CTNNA1: variants seen among roughly 807,000 people sequenced by gnomAD.
CTNNA1 encodes the protein catenin alpha 1.
Under a neutral mutation model 98.4 loss-of-function variants are expected in CTNNA1, and 37 were observed. That is an observed-to-expected ratio of 0.38 (90% confidence interval 0.29 to 0.49). CTNNA1 has a LOEUF of 0.49. Among genes scored for constraint, CTNNA1 ranks in the 20% least tolerant of loss-of-function variants. CTNNA1 has a pLI of 0.95. For missense variants in CTNNA1, 761 were observed against 1,147.2 expected (o/e 0.66, Z 4.86); for synonymous variants, 404 against 413.2 (o/e 0.98, Z 0.27).
At chr5:138,917,928 T>G (rs374228395) in intron 11 of CTNNA1, 30 bp downstream of exon 11, 136 of 1,606,926 alleles carry the variant, frequency 8.5e-5, no homozygotes, top group Non-Finnish European at 1.1e-4. Context: ...GAGAAGTATG[T>G]GAAGATGTTC....
At chr5:138,812,727 T>C (rs1249506595) in intron 5 of CTNNA1, among the ~76,000 whole-genome samples, 8 of 152,226 alleles carry the variant, frequency 5.3e-5, no homozygotes, top group Non-Finnish European at 1.2e-4. Flanking sequence ...CTTGTTACTT[T>C]TTAACTGTTT....
intron 3 of CTNNA1, 132 bp from the exon 4 acceptor site, chr5:138,809,906 C>A (rs761687719): frequency 8.7e-6 from 11 of 1,270,284 alleles, no homozygotes; most frequent in Non-Finnish European, 1.0e-5. Context: ...CAAACAACAA[C>A]AAAAATGAAA....
intron 7 of CTNNA1, among the ~76,000 whole-genome samples, chr5:138,847,796 G>T (rs1470020400): frequency 1.3e-5 from 2 of 152,140 alleles, no homozygotes; most frequent in Non-Finnish European, 2.9e-5. Context: ...AAACATTTGG[G>T]CAACTCCCAT....
intron 1 of CTNNA1, among the ~76,000 whole-genome samples, chr5:138,776,341 A>G (rs1754165938): frequency 1.3e-5 from 2 of 152,128 alleles, no homozygotes; most frequent in Non-Finnish European, 2.9e-5. Flanking sequence ...CACATGTTTC[A>G]GAGAGCACAG....
chr5:138,886,164 G>C, intron 7 of CTNNA1, 48 bp from the exon 8 acceptor site: 2 of 1,591,696 alleles, frequency 1.3e-6, no homozygotes, highest in Non-Finnish European at 1.7e-6. Flanking sequence ...CTATCATTAG[G>C]TTTCTTTGTA....
chr5:138,819,851 C>CG (rs1255744634), intron 5 of CTNNA1, among the ~76,000 whole-genome samples: 8 of 4,856 alleles, frequency 1.6e-3, no homozygotes, highest in East Asian at 8.2e-3. Flanking sequence ...ATTGGATTGG[C>CG]GGGGGGCGGG....
In CTNNA1 at chr5:138,825,482, G is replaced by GT. The variant is rs756586452; in HGVS notation, c.858+699dup. ...CTTCCAGTAGATGGCAGCAGTATAAGTTTTTTTTTTTTTTTTAGGGCTTTA... is the reference window on the plus strand; with the variant it reads ...CTTCCAGTAGATGGCAGCAGTATAAGTTTTTTTTTTTTTTTTTAGGGCTTTA... On this transcript the variant is annotated intron_variant, in intron 6 of 17. Transcript: ENST00000302763. Among the ~76,000 whole-genome samples, 713 of 74,106 alleles carry GT rather than the reference G, an allele frequency of 9.6e-3. 73 individuals carry two copies. Among genetic ancestry groups the GT allele is most frequent in the Middle Eastern group, 0.024 (3 of 126 alleles). 48.6% of individuals were successfully genotyped at this position (74,106 alleles called of 152,430 possible). A position where few individuals can be genotyped will look rare whatever the true frequency, so the allele number is the denominator to read the frequency against.
chr5:138,927,506 G>A (rs925716855), intron 13 of CTNNA1, among the ~76,000 whole-genome samples: 2 of 128,278 alleles, frequency 1.6e-5, no homozygotes, highest in South Asian at 2.4e-4. Flanking sequence ...GCACCTTCTC[G>A]TGAGACTTTT....
intron 10 of CTNNA1, among the ~76,000 whole-genome samples, chr5:138,913,420 C>A (rs1761078309): frequency 6.6e-6 from 1 of 152,038 alleles, no homozygotes; most frequent in African/African-American, 2.4e-5. Flanking sequence ...CTCATCTCTA[C>A]TAAAAATACA....
Position 138,931,750 on chromosome 5 carries a change from A to T in CTNNA1, c.2298+815A>T, listed in dbSNP as rs1035138770. The T allele has an allele frequency of 6.1e-6, 6 of 985,364 alleles. No individual in the cohort carries two copies. The African/African-American group carries it at 8.7e-5, about 14-fold the overall frequency. The allele number at this position is 985,364 out of a possible 1,614,324, so 61.0% of individuals were successfully genotyped here. ...TCAATACTGTCATCTGAAAATGCAG[A>T]TCACATGGCTCTGCCCTGCTTCCAT... On this transcript the variant is annotated intron_variant, in intron 16 of 17. Transcript: ENST00000302763.
intron 1 of CTNNA1, among the ~76,000 whole-genome samples, chr5:138,779,816 A>G (rs1561517624): frequency 6.6e-6 from 1 of 151,580 alleles, no homozygotes; most frequent in Non-Finnish European, 1.5e-5. Flanking sequence ...CCCAGGTTCA[A>G]GTGGTTTTCC....
chr5:138,756,465 G>C (rs956755399), intron 1 of CTNNA1, among the ~76,000 whole-genome samples: 3 of 152,052 alleles, frequency 2.0e-5, no homozygotes, highest in Non-Finnish European at 2.9e-5. Flanking sequence ...CCGCACTTTC[G>C]GATTTCTTTG....
intron 10 of CTNNA1, among the ~76,000 whole-genome samples, chr5:138,911,867 T>C (rs1376466853): frequency 6.6e-6 from 1 of 152,198 alleles, no homozygotes; most frequent in Non-Finnish European, 1.5e-5. Context: ...AGGTGAACTT[T>C]ACTGAAGGAT....
chr5:138,781,188 T>C (rs1755062320), intron 1 of CTNNA1, among the ~76,000 whole-genome samples: 1 of 152,226 alleles, frequency 6.6e-6, no homozygotes, highest in Non-Finnish European at 1.5e-5. Context: ...TAGATACTAC[T>C]GTACCATGAA....
At chr5:138,765,088 T>G (rs1343383346) in intron 1 of CTNNA1, among the ~76,000 whole-genome samples, 1 of 151,920 alleles carries the variant, frequency 6.6e-6, no homozygotes, top group African/African-American at 2.4e-5. Context: ...TCCCCCAGAT[T>G]GGAGTGCAAT....
chr5:138,781,703 T>C (rs1038940120), intron 1 of CTNNA1, among the ~76,000 whole-genome samples: 4 of 152,238 alleles, frequency 2.6e-5, no homozygotes, highest in African/African-American at 9.6e-5. Flanking sequence ...TGTTTGGGAA[T>C]GCCCTCTTGT....
At chr5:138,909,447 C>T (rs1321275569) in intron 10 of CTNNA1, among the ~76,000 whole-genome samples, 3 of 151,544 alleles carry the variant, frequency 2.0e-5, no homozygotes, top group Non-Finnish European at 2.9e-5. Flanking sequence ...CAGCCTTGAC[C>T]TCCTAGGTTT....
At chr5:138,872,735 C>T (rs1189086603) in intron 7 of CTNNA1, 1 of 298,046 alleles carries the variant, frequency 3.4e-6, no homozygotes, top group Middle Eastern at 1.1e-3. Context: ...GGTTTACACA[C>T]GATTGTATAT....
chr5:138,822,987 G>A (rs1359130860), intron 5 of CTNNA1, among the ~76,000 whole-genome samples: 1 of 152,016 alleles, frequency 6.6e-6, no homozygotes, highest in Non-Finnish European at 1.5e-5. Context: ...TTCTAACTTG[G>A]TCAATTTTCT....
Sources: gnomAD v4.1 joint callset for allele counts (sites outside exome capture counted in the v4.1 genomes callset) on GRCh38, gnomAD v4.1.1 for gene constraint, MANE v1.5 for transcripts, NCBI Gene and HGNC (gene_info 2026-07-23, HGNC 2026-07-21) for gene names.